Variants in DSCAM observed in about 807,000 individuals in gnomAD.
DSCAM encodes cell adhesion molecule DSCAM.
A neutral mutation model predicts 217.7 loss-of-function variants in DSCAM; 47 were observed. The observed-to-expected ratio is 0.22, with a 90% CI of 0.17 to 0.28. The LOEUF (loss-of-function observed/expected upper bound fraction) is 0.28. Ranked by LOEUF, DSCAM falls within the 10% of genes least tolerant of loss-of-function variation. The probability of loss-of-function intolerance (pLI) is 1.00; values close to 1 mark genes in which losing one functional copy is unlikely to be tolerated. For missense variants in DSCAM, 2,080 were observed against 2,618.3 expected, an observed-to-expected ratio of 0.79 and a Z score of 4.49; for synonymous variants, 1,056 against 1,015.3, an observed-to-expected ratio of 1.04 and a Z score of -0.76.
chr21:40,806,962 G>A (rs1209748494), intron 1 of DSCAM, among the ~76,000 whole-genome samples: 1 of 152,134 alleles, frequency 6.6e-6, no homozygotes, highest in African/African-American at 2.4e-5. Flanking sequence ...GCCTATCGGG[G>A]GTGAGGGGCT....
At chr21:40,646,472 G>A (rs2089948706) in intron 3 of DSCAM, among the ~76,000 whole-genome samples, 1 of 151,386 alleles carries the variant, frequency 6.6e-6, no homozygotes, top group Non-Finnish European at 1.5e-5. Flanking sequence ...TTTCTTGTTA[G>A]CAAAGAGAAC....
chr21:40,377,161 A>G (rs940126539), intron 3 of DSCAM, among the ~76,000 whole-genome samples: 2 of 152,206 alleles, frequency 1.3e-5, no homozygotes, highest in Admixed American at 6.5e-5. Context: ...ATGTTATGAC[A>G]CATTTAGTTC....
chr21:40,167,864 G>A (rs2090614620), intron 15 of DSCAM, among the ~76,000 whole-genome samples: 1 of 152,156 alleles, frequency 6.6e-6, no homozygotes, highest in South Asian at 2.1e-4. Flanking sequence ...AGGAGATTGA[G>A]ACCATCCTGG....
At chr21:40,759,898 G>A (rs974740886) in intron 1 of DSCAM, among the ~76,000 whole-genome samples, 8 of 152,130 alleles carry the variant, frequency 5.3e-5, no homozygotes, top group Admixed American at 3.9e-4. Context: ...GGGAGGTGAC[G>A]AGAGGGGCAT....
At chr21:40,642,293 C>T (rs964085123) in intron 3 of DSCAM, among the ~76,000 whole-genome samples, 2 of 152,120 alleles carry the variant, frequency 1.3e-5, no homozygotes, top group Non-Finnish European at 2.9e-5. Flanking sequence ...TGAAGAAACA[C>T]TGGAGGCGGA....
intron 3 of DSCAM, among the ~76,000 whole-genome samples, chr21:40,436,280 T>G (rs2075581764): frequency 6.6e-6 from 1 of 152,150 alleles, no homozygotes; most frequent in South Asian, 2.1e-4. Context: ...AATTCAGAAA[T>G]TACACAAAGA....
intron 9 of DSCAM, among the ~76,000 whole-genome samples, chr21:40,310,956 G>C (rs1224013115): frequency 2.6e-5 from 4 of 151,510 alleles, no homozygotes; most frequent in Non-Finnish European, 5.9e-5. Flanking sequence ...TTTTTTTTCA[G>C]AAATACAAAG....
At chr21:40,652,721 A>T (rs1294377304) in intron 3 of DSCAM, among the ~76,000 whole-genome samples, 3 of 152,048 alleles carry the variant, frequency 2.0e-5, no homozygotes, top group African/African-American at 4.8e-5. Flanking sequence ...ACTGACTCCT[A>T]GGAGGTAACC....
At chr21:40,436,239 G>A (rs1411845165) in intron 3 of DSCAM, among the ~76,000 whole-genome samples, 1 of 152,154 alleles carries the variant, frequency 6.6e-6, no homozygotes, top group Middle Eastern at 3.2e-3. Flanking sequence ...CAATTGTAGT[G>A]ATGTATTTCT....
intron 3 of DSCAM, among the ~76,000 whole-genome samples, chr21:40,492,262 G>T (rs1023089520): frequency 1.3e-5 from 2 of 152,202 alleles, no homozygotes; most frequent in East Asian, 3.9e-4. Flanking sequence ...AAATTGGCTT[G>T]CTTTCTATTT....
intron 1 of DSCAM, among the ~76,000 whole-genome samples, chr21:40,792,148 T>C (rs1220584909): frequency 4.8e-5 from 7 of 147,192 alleles, no homozygotes; most frequent in Admixed American, 6.7e-5. Flanking sequence ...TTTTTTTTTT[T>C]TTTTTTTTTT....
intron 3 of DSCAM, chr21:40,384,728 G>C (rs1334750407): frequency 2.6e-5 from 4 of 152,376 alleles, no homozygotes; most frequent in Admixed American, 2.0e-4. Flanking sequence ...CGCTACAGGG[G>C]ATCTCTCAGG....
At chr21:40,843,148 T>C (rs2092116090) in intron 1 of DSCAM, among the ~76,000 whole-genome samples, 1 of 152,196 alleles carries the variant, frequency 6.6e-6, no homozygotes, top group African/African-American at 2.4e-5. Context: ...AAGGTCTGCT[T>C]CTAATTAAAT....
At chr21:40,655,602 C>A (rs2090066234) in intron 3 of DSCAM, among the ~76,000 whole-genome samples, 1 of 152,056 alleles carries the variant, frequency 6.6e-6, no homozygotes, top group African/African-American at 2.4e-5. Flanking sequence ...ACCACCATGT[C>A]TGGCTAATTT....
chr21:40,277,144 C>A (rs988724866), intron 10 of DSCAM, among the ~76,000 whole-genome samples: 4 of 152,070 alleles, frequency 2.6e-5, no homozygotes, highest in African/African-American at 9.7e-5. Context: ...GGGCATTTTT[C>A]TTCTCTGGCC....
rs200013415 is a variant in DSCAM, at chr21:40,058,107, C to A, written c.4920-2267G>T. On this transcript the variant is annotated intron_variant, in intron 28 of 32. Coordinates refer to ENST00000400454, the MANE Select transcript of DSCAM (RefSeq NM_001389.5). The stretch of plus-strand genomic sequence containing the variant: ...CAGAATGGTCTCAATCTCCTGACCT[C>A]GTGATCCACCCGCCTCAGCCTCCCA... 9.2e-5 allele frequency among the ~76,000 whole-genome samples: 14 copies of A among 152,012 alleles called. No homozygotes were observed. The East Asian group carries it at 2.7e-3, about 30-fold the overall frequency.
intron 30 of DSCAM, among the ~76,000 whole-genome samples, chr21:40,044,527 T>C (rs895937734): frequency 3.9e-5 from 6 of 152,192 alleles, no homozygotes; most frequent in Non-Finnish European, 5.9e-5. Context: ...AGTTACATAT[T>C]TGAGTCTTGC....
At chr21:40,404,900 C>A (rs1246175105) in intron 3 of DSCAM, among the ~76,000 whole-genome samples, 1 of 152,182 alleles carries the variant, frequency 6.6e-6, no homozygotes, top group Non-Finnish European at 1.5e-5. Context: ...AGCAGGCACA[C>A]CCAGTAACAG....
intron 20 of DSCAM, among the ~76,000 whole-genome samples, chr21:40,098,084 C>T (rs114970374): frequency 0.021 from 3,131 of 149,458 alleles, 102 homozygotes; most frequent in African/African-American, 0.073. Context: ...CCTATGATAA[C>T]ACTAATCAAA....
Sources: gnomAD v4.1 joint callset for allele counts (sites outside exome capture counted in the v4.1 genomes callset) on GRCh38, gnomAD v4.1.1 for gene constraint, MANE v1.5 for transcripts, NCBI Gene and HGNC (gene_info 2026-07-23, HGNC 2026-07-21) for gene names.